CERKL: variants seen among roughly 807,000 people sequenced by gnomAD.
CERKL encodes CERK like autophagy regulator, also known as ceramide kinase-like protein.
In CERKL, 61 loss-of-function variants were observed where a neutral mutation model predicts 63.4. That is an observed-to-expected ratio of 0.96 (90% CI 0.78 to 1.19). The LOEUF (loss-of-function observed/expected upper bound fraction) is 1.19, where lower values mean the gene tolerates loss of function less well. Ranked by LOEUF, CERKL falls within the 50% of genes most tolerant of loss-of-function variation. The pLI is 0.00. For missense variants in CERKL, 675 were observed against 655.5 expected (o/e 1.03, Z -0.33); for synonymous variants, 250 against 230.5 (o/e 1.08, Z -0.77).
intron 2 of CERKL, among the ~76,000 whole-genome samples, chr2:181,601,740 G>C (rs1230772897): frequency 6.6e-6 from 1 of 152,194 alleles, no homozygotes; most frequent in Non-Finnish European, 1.5e-5. Context: ...CTTTGGTGCA[G>C]AGATGGAGCA....
chr2:181,655,958 A>G (rs894826518), intron 1 of CERKL, among the ~76,000 whole-genome samples: 8 of 152,220 alleles, frequency 5.3e-5, no homozygotes, highest in African/African-American at 1.9e-4. Flanking sequence ...TACTTATAAG[A>G]CTTGCAAAAT....
At chr2:181,619,233 C>T (rs1000227436) in intron 1 of CERKL, among the ~76,000 whole-genome samples, 3 of 152,108 alleles carry the variant, frequency 2.0e-5, no homozygotes, top group Middle Eastern at 3.4e-3. Context: ...TCAGGAAAAA[C>T]ATTTATAAAT....
chr2:181,648,755 AAG>A (rs1227095503), intron 1 of CERKL, among the ~76,000 whole-genome samples: 1 of 152,224 alleles, frequency 6.6e-6, no homozygotes, highest in Non-Finnish European at 1.5e-5. Flanking sequence ...ACACATACTA[AAG>A]AAATAAAGGC....
chr2:181,580,081 G>T (rs1684433685), intron 2 of CERKL, among the ~76,000 whole-genome samples: 2 of 151,806 alleles, frequency 1.3e-5, no homozygotes, highest in African/African-American at 4.9e-5. Flanking sequence ...AAATAAGTTT[G>T]TCTAGCTTAA....
intron 2 of CERKL, among the ~76,000 whole-genome samples, chr2:181,597,936 G>A (rs1254928829): frequency 6.6e-6 from 1 of 152,086 alleles, no homozygotes; most frequent in Non-Finnish European, 1.5e-5. Flanking sequence ...AACCCCTTTG[G>A]GACAAAGGAA....
At chr2:181,633,539 G>A (rs899359470) in intron 1 of CERKL, among the ~76,000 whole-genome samples, 1 of 152,174 alleles carries the variant, frequency 6.6e-6, no homozygotes, top group African/African-American at 2.4e-5. Flanking sequence ...TGGAAAGGTA[G>A]TTTTGTTTGT....
In CERKL at chr2:181,558,797, A is replaced by C. The variant is rs1688316691; in HGVS notation, c.678-89T>G. 4 of 1,348,422 alleles carry C rather than the reference A, an allele frequency of 3.0e-6. No individual in the cohort carries two copies. The South Asian group carries it at 4.8e-5, about 16-fold the overall frequency. 83.5% of individuals were successfully genotyped at this position (1,348,422 alleles called of 1,614,324 possible). On this transcript the variant is annotated intron_variant, in intron 4 of 12. Coordinates refer to ENST00000410087, the MANE Select transcript of CERKL (RefSeq NM_201548.5). This position sits in a 1 kb window ranked among gnomAD's most constrained non-coding sequence, Gnocchi z 4.2. ...ATCTAGACTTCAAAATAGTTTACTA[A>C]TTTGTAGTCTATGTGCATAACTGCT...
At chr2:181,603,797 G>A in intron 2 of CERKL, 40 bp downstream of exon 2, 1 of 1,603,802 alleles carries the variant, frequency 6.2e-7, no homozygotes, top group Non-Finnish European at 8.5e-7. Flanking sequence ...GTATATCAAG[G>A]AAACTGGGCT....
chr2:181,577,671 C>G (rs1481679516), intron 2 of CERKL, among the ~76,000 whole-genome samples: 1 of 151,940 alleles, frequency 6.6e-6, no homozygotes, highest in Non-Finnish European at 1.5e-5. Context: ...CAGTATCAGG[C>G]TAGGGGATGT....
chr2:181,635,601 C>T (rs769288093), intron 1 of CERKL, among the ~76,000 whole-genome samples: 1 of 152,154 alleles, frequency 6.6e-6, no homozygotes, highest in Non-Finnish European at 1.5e-5. Flanking sequence ...GAAACCAATA[C>T]ATGCTAACAG....
chr2:181,643,477 T>TTGC (rs1687536304), intron 1 of CERKL, among the ~76,000 whole-genome samples: 2 of 152,250 alleles, frequency 1.3e-5, no homozygotes, highest in Admixed American at 6.5e-5. Flanking sequence ...CAAGGTGTTA[T>TTGC]CCATTAGGAA....
chr2:181,595,852 C>A (rs1483800949), intron 2 of CERKL, among the ~76,000 whole-genome samples: 1 of 152,048 alleles, frequency 6.6e-6, no homozygotes, highest in Non-Finnish European at 1.5e-5. Flanking sequence ...ATTTGTAGTT[C>A]TTGATGCTAT....
chr2:181,555,628 T>G (rs1688168714), intron 5 of CERKL, among the ~76,000 whole-genome samples: 1 of 152,200 alleles, frequency 6.6e-6, no homozygotes, highest in South Asian at 2.1e-4. Context: ...AATATGAATT[T>G]TTTTCAACAA....
At chr2:181,613,096 C>T (rs1686042122) in intron 1 of CERKL, among the ~76,000 whole-genome samples, 1 of 143,882 alleles carries the variant, frequency 7.0e-6, no homozygotes, top group Non-Finnish European at 1.5e-5. Flanking sequence ...CAATGCTATA[C>T]AATAGATCCA....
intron 2 of CERKL, among the ~76,000 whole-genome samples, chr2:181,580,582 C>T (rs1055389943): frequency 6.6e-6 from 1 of 152,044 alleles, no homozygotes. Context: ...CCTGTCAGTT[C>T]TAGAATAAGA....
At chr2:181,552,241 C>T (rs2368215) in intron 5 of CERKL, among the ~76,000 whole-genome samples, 61,571 of 151,962 alleles carry the variant, frequency 0.41, 13,595 homozygotes, top group African/African-American at 0.58. Flanking sequence ...CTAGTGACTA[C>T]AGTTGATACG....
chr2:181,549,845 A>C (rs1290674474), intron 5 of CERKL, 137 bp from the exon 6 acceptor site: 1 of 700,142 alleles, frequency 1.4e-6, no homozygotes, highest in African/African-American at 1.8e-5. Context: ...AGGAAAGTTA[A>C]TGTGAATATT....
In CERKL at chr2:181,536,984, A is replaced by G. The variant is rs763295691; in HGVS notation, c.*1200T>C. The G allele has an allele frequency of 2.0e-5, 9 of 452,096 alleles. No individual in the cohort carries two copies. The highest frequency in any genetic ancestry group is 1.4e-4 in the South Asian group (9 of 63,916). The allele number at this position is 452,096 out of a possible 1,614,324, so 28.0% of individuals were successfully genotyped here. ...CCAGCCATCCTAATTGATGAAAGTT[A>G]TCTGTTCACAGGCCTGCAGTGATGG... On this transcript the variant is annotated 3_prime_UTR_variant, in exon 13 of 13. Transcript: ENST00000410087.
At chr2:181,611,411 T>A (rs763094190) in intron 1 of CERKL, among the ~76,000 whole-genome samples, 4 of 151,788 alleles carry the variant, frequency 2.6e-5, no homozygotes, top group Non-Finnish European at 5.9e-5. Flanking sequence ...GTGATTGCAG[T>A]GTTTTGGGAG....
Sources: allele counts gnomAD v4.1 joint callset (sites outside exome capture counted in the v4.1 genomes callset), GRCh38; gene constraint gnomAD v4.1.1; non-coding constraint Gnocchi (gnomAD v3.1); transcripts MANE v1.5; gene names NCBI Gene and HGNC (gene_info 2026-07-23, HGNC 2026-07-21).